OTUD6B: variants seen among roughly 807,000 people sequenced by gnomAD.
OTUD6B encodes deubiquitinase OTUD6B.
Under a neutral mutation model 36.9 loss-of-function variants are expected in OTUD6B, and 41 were observed. The observed-to-expected ratio is 1.11, with a 90% CI of 0.87 to 1.44. The LOEUF is 1.44. Among genes scored for constraint, OTUD6B ranks in the 40% most tolerant of loss-of-function variants. The probability of loss-of-function intolerance (pLI) is 0.00; values close to 1 mark genes in which losing one functional copy is unlikely to be tolerated. For missense variants in OTUD6B, 356 were observed against 344.8 expected, an observed-to-expected ratio of 1.03 and a Z score of -0.26; for synonymous variants, 114 against 114.2, an observed-to-expected ratio of 1.00 and a Z score of 0.01.
chr8:91,073,475 A>G (rs1467704434), intron 2 of OTUD6B, among the ~76,000 whole-genome samples: 2 of 152,238 alleles, frequency 1.3e-5, no homozygotes, highest in Admixed American at 6.5e-5. Flanking sequence ...GCAGGTAATA[A>G]TGAACTGAGC....
intron 3 of OTUD6B, 71 bp downstream of exon 3, chr8:91,073,982 G>T: frequency 2.9e-6 from 3 of 1,024,196 alleles, no homozygotes. Flanking sequence ...TACTATCTTA[G>T]GTCTTGTTAT....
In OTUD6B at chr8:91,073,858, A is replaced by G; in HGVS notation, c.262A>G (p.Asn88Asp). 6.3e-7 allele frequency: 1 copy of G among 1,592,374 alleles called. No homozygotes were observed. Among genetic ancestry groups the G allele is most frequent in the Non-Finnish European group, 8.6e-7 (1 of 1,167,756 alleles). ...AGATTCTGTTGCTGTTAACATTTCA[A>G]ACTTGGTGCTTGAGAATCAGCCACC... ...KIDSVAVNIS[N>D]LVLENQPPRI... is the part of the protein sequence containing the mutation. The change falls in exon 3 of 7, where the codon AAC becomes GAC. Residue 88 changes from asparagine (N) to aspartate (D), a missense_variant. Coordinates refer to ENST00000404789, the MANE Select transcript of OTUD6B (RefSeq NM_016023.5).
At position 91,071,266 on chromosome 8, in the gene OTUD6B, A is replaced by C. The variant is rs949952374; in HGVS notation, c.211A>C (p.Lys71Gln). 2 of 1,613,576 alleles carry C rather than the reference A, an allele frequency of 1.2e-6. No individual in the cohort carries two copies. The highest frequency in any genetic ancestry group is 1.7e-5 in the Admixed American group (1 of 59,924). The part of the protein sequence containing the change: ...QKHREELEQL[K>Q]LTTKENKIDS... ...ACATAGAGAGGAACTGGAGCAATTG[A>C]AGCTGACTACTAAGGAGAATAAGGT... is the stretch of plus-strand genomic sequence containing the variant. The change falls in exon 2 of 7, where the codon AAG (lysine) becomes CAG (glutamine). Residue 71 changes from lysine (K) to glutamine (Q), a missense_variant. Transcript: ENST00000404789.
rs1355405269 is a variant in OTUD6B at position 91,078,620 on chromosome 8, T to G, written c.580T>G (p.Phe194Val). Residue 194 changes from phenylalanine to valine, a missense_variant, in exon 4 of 7, where the codon TTT becomes GTT. Transcript: ENST00000404789. ...GTATATGCAAAGCCATGTGGAAGACTTTCTGCCATTTTTAACAAACCCTAA... is the reference window on the plus strand; with the variant it reads ...GTATATGCAAAGCCATGTGGAAGACGTTCTGCCATTTTTAACAAACCCTAA... ...AEYMQSHVED[F>V]LPFLTNPNTG... The G allele has an allele frequency of 4.4e-6, 7 of 1,596,552 alleles. No homozygotes were observed. Among genetic ancestry groups the G allele is most frequent in the Admixed American group, 1.7e-5 (1 of 57,462 alleles).
chr8:91,078,307 T>G, intron 3 of OTUD6B, 49 bp from the exon 4 acceptor site: 1 of 1,483,582 alleles, frequency 6.7e-7, no homozygotes, highest in Non-Finnish European at 8.9e-7. Context: ...TAAATGAGAA[T>G]TAGTCCAAAT....
At chr8:91,082,701 A>G (rs1812929455) in intron 5 of OTUD6B, among the ~76,000 whole-genome samples, 1 of 151,258 alleles carries the variant, frequency 6.6e-6, no homozygotes, top group African/African-American at 2.4e-5. Context: ...AAAGGAATTA[A>G]TACACATAAA....
At position 91,078,486 on chromosome 8, in the gene OTUD6B, T is replaced by G. The variant is rs1812841555; in HGVS notation, c.446T>G (p.Ile149Ser). The G allele has an allele frequency of 6.2e-7, 1 of 1,608,352 alleles. No homozygotes were observed. Among genetic ancestry groups the G allele is most frequent in the Non-Finnish European group, 8.5e-7 (1 of 1,177,064 alleles). Residue 149 changes from isoleucine (I) to serine (S), a missense_variant, in exon 4 of 7, where the codon ATT becomes AGT. By Grantham distance (142) the Ile-to-Ser change is moderately radical (BLOSUM62 -2). Transcript: ENST00000404789. ...AQILAARQLEIKQIPSDGHCM... is the reference protein window; with the variant it reads ...AQILAARQLESKQIPSDGHCM... ...ATATTGGCAGCTAGACAGTTAGAAA[T>G]TAAACAGATTCCATCTGATGGCCAC...
chr8:91,073,961 A>G, intron 3 of OTUD6B, 50 bp downstream of exon 3: 1 of 1,242,432 alleles, frequency 8.0e-7, no homozygotes, highest in South Asian at 1.3e-5. Context: ...TGTGTTCAAT[A>G]CTATCTTAGG....
chr8:91,083,886 A>G, intron 5 of OTUD6B, 122 bp from the exon 6 acceptor site: 1 of 1,164,948 alleles, frequency 8.6e-7, no homozygotes, highest in Non-Finnish European at 1.2e-6. Context: ...AGTATATACC[A>G]GGCTCTCTGT....
intron 5 of OTUD6B, among the ~76,000 whole-genome samples, chr8:91,083,463 G>C (rs562356951): frequency 6.6e-6 from 1 of 152,078 alleles, no homozygotes; most frequent in African/African-American, 2.4e-5. Flanking sequence ...TGCAGGCAGG[G>C]CTTGAGCAGT....
At chr8:91,076,872 C>G in intron 3 of OTUD6B, 1 of 634,230 alleles carries the variant, frequency 1.6e-6, no homozygotes, top group South Asian at 1.7e-5. Context: ...ATTACTTATA[C>G]AAACCTTAAA....
At chr8:91,082,956 A>C (rs1812937157) in intron 5 of OTUD6B, among the ~76,000 whole-genome samples, 1 of 151,596 alleles carries the variant, frequency 6.6e-6, no homozygotes, top group Admixed American at 6.6e-5. Context: ...GTATCTGCCT[A>C]CCTTGGCCTC....
chr8:91,080,038 C>T (rs1405475061), intron 4 of OTUD6B, among the ~76,000 whole-genome samples: 1 of 152,034 alleles, frequency 6.6e-6, no homozygotes, highest in Non-Finnish European at 1.5e-5. Context: ...AAGGTGTATG[C>T]ACAAAATATA....
Position 91,086,272 on chromosome 8 carries a change from T to C in OTUD6B, c.*1404T>C, listed in dbSNP as rs553461320. On this transcript the variant is annotated 3_prime_UTR_variant, in exon 7 of 7. Coordinates refer to ENST00000404789, the MANE Select transcript of OTUD6B (RefSeq NM_016023.5). ...TATTGGGTTTATATGAAAAATGGGG[T>C]GTCAGTCTTTTCACACGCCCAGCAG... is the stretch of plus-strand genomic sequence containing the variant. 4.6e-5 allele frequency: 7 copies of C among 152,096 alleles called. No homozygotes were observed. In the East Asian group the frequency reaches 1.4e-3, roughly 29 times the overall value. 9.4% of individuals were successfully genotyped at this position (152,096 alleles called of 1,614,324 possible). A position where few individuals can be genotyped will look rare whatever the true frequency, so the allele number is the denominator to read the frequency against.
At chr8:91,082,600 C>G (rs547405501) in intron 5 of OTUD6B, among the ~76,000 whole-genome samples, 1 of 151,718 alleles carries the variant, frequency 6.6e-6, no homozygotes, top group Non-Finnish European at 1.5e-5. Context: ...GTTCAAGTGA[C>G]TTTGACAAGT....
Position 91,080,708 on chromosome 8 carries a change from C to G in OTUD6B, c.668C>G (p.Ala223Gly). ...QKYCEDIVNT[A>G]AWGGQLELRA... is the part of the protein sequence containing the mutation. ...TACTGTGAAGATATTGTAAACACAG[C>G]TGCATGGGGAGGTCAGCTTGAGGTA... The change falls in exon 5 of 7, where the codon GCT becomes GGT. Residue 223 changes from alanine (A) to glycine (G), a missense_variant. Coordinates refer to ENST00000404789, the MANE Select transcript of OTUD6B (RefSeq NM_016023.5). The G allele has an allele frequency of 6.2e-7, 1 of 1,603,864 alleles. No homozygotes were observed. The highest frequency in any genetic ancestry group is 8.5e-7 in the Non-Finnish European group (1 of 1,174,408).
intron 2 of OTUD6B, among the ~76,000 whole-genome samples, chr8:91,072,500 A>T (rs1812720199): frequency 6.6e-6 from 1 of 152,212 alleles, no homozygotes; most frequent in African/African-American, 2.4e-5. Flanking sequence ...AATCTGCCAT[A>T]CTTAAATTTT....
At chr8:91,080,871 C>A in intron 5 of OTUD6B, 141 bp downstream of exon 5, 1 of 639,416 alleles carries the variant, frequency 1.6e-6, no homozygotes, top group Non-Finnish European at 2.7e-6. Flanking sequence ...TCTCAACTGA[C>A]AAAGAAATAG....
Position 91,084,791 on chromosome 8 carries a change from A to T in OTUD6B, c.805A>T (p.Arg269Ter), listed in dbSNP as rs761321546. The change falls in exon 7 of 7, where the codon AGA becomes TGA. Residue 269 changes from arginine (R) to a stop codon, truncating the protein, a stop_gained. Transcript: ENST00000404789. LOFTEE classifies it high-confidence loss of function. ...TTTTTTTTTTAATTTCAGATATATG[A>T]GACATGCATATGGCTTAGGAGAACA... ...SKKPLILVYM[R>*]HAYGLGEHYN... 6.5e-7 allele frequency: 1 copy of T among 1,549,020 alleles called. No homozygotes were observed. Among genetic ancestry groups the T allele is most frequent in the Middle Eastern group, 1.7e-4 (1 of 5,804 alleles).
Sources: allele counts gnomAD v4.1 joint callset (sites outside exome capture counted in the v4.1 genomes callset), GRCh38; gene constraint gnomAD v4.1.1; transcripts MANE v1.5; gene names NCBI Gene and HGNC (gene_info 2026-07-23, HGNC 2026-07-21).